The following PRSS57 variants were observed in gnomAD, a reference collection of about 807,000 sequenced individuals.
The protein encoded by PRSS57 is serine protease 57, also known as neutrophil serine protease 4.
Under a neutral mutation model 20.6 loss-of-function variants are expected in PRSS57, and 19 were observed. That is an observed-to-expected ratio of 0.92 (90% CI 0.64 to 1.35). PRSS57 has a LOEUF of 1.35. PRSS57 is among the 40% of genes most tolerant of loss of function. The pLI, the probability that PRSS57 is intolerant of heterozygous loss-of-function variation, is 0.00. For synonymous variants in PRSS57, 203 were observed against 176.6 expected (o/e 1.15, Z -1.19); for missense variants, 440 against 403.7 (o/e 1.09, Z -0.77).
Position 689,147 on chromosome 19 carries a change from G to A in PRSS57, c.379-1959C>T, listed in dbSNP as rs1170457038. 6.1e-5 allele frequency among the ~76,000 whole-genome samples: 8 copies of A among 130,658 alleles called. 1 individual carries two copies. The highest frequency in any genetic ancestry group is 4.7e-4 in the South Asian group (2 of 4,288). The allele number at this position is 130,658 out of a possible 152,430, so 85.7% of individuals were successfully genotyped here. A position where few individuals can be genotyped will look rare whatever the true frequency, so the allele number is the denominator to read the frequency against. ...CCAGGGGTTAGCAGGTGACGACGGT[G>A]CTAGAAGGGTGGTCCAGGGGTTAGC... On this transcript the variant is annotated intron_variant, in intron 3 of 4. Coordinates refer to ENST00000329267, the MANE Select transcript of PRSS57 (RefSeq NM_001308209.2).
chr19:689,400 C>G (rs952860672), intron 3 of PRSS57, among the ~76,000 whole-genome samples: 1 of 152,004 alleles, frequency 6.6e-6, no homozygotes, highest in African/African-American at 2.4e-5. Flanking sequence ...CTCGCGGTGT[C>G]TGGGGAACTG....
intron 3 of PRSS57, among the ~76,000 whole-genome samples, chr19:687,470 A>G (rs113369113): frequency 6.6e-6 from 1 of 152,032 alleles, no homozygotes; most frequent in Non-Finnish European, 1.5e-5. Context: ...CAGTGGCACA[A>G]TCTTGGCTCA....
intron 2 of PRSS57, 44 bp downstream of exon 2, chr19:694,770 G>A (rs561680418): frequency 2.0e-5 from 32 of 1,563,338 alleles, no homozygotes; most frequent in East Asian, 2.4e-5. Flanking sequence ...CCCTCATGTC[G>A]GGATACGGTG....
chr19:693,764 G>A (rs546339649), intron 2 of PRSS57, among the ~76,000 whole-genome samples: 2 of 151,654 alleles, frequency 1.3e-5, no homozygotes, highest in Admixed American at 1.3e-4. Context: ...TTTTGAGACA[G>A]AGTCTCGCTC....
chr19:692,426 T>G (rs1260654345), intron 2 of PRSS57, among the ~76,000 whole-genome samples: 1 of 118,436 alleles, frequency 8.4e-6, no homozygotes, highest in Non-Finnish European at 1.9e-5. Context: ...TTTCCTTTTT[T>G]CTTTTTTTTT....
At chr19:693,523 T>C (rs2031708943) in intron 2 of PRSS57, among the ~76,000 whole-genome samples, 1 of 152,074 alleles carries the variant, frequency 6.6e-6, no homozygotes, top group South Asian at 2.1e-4. Context: ...TAATATTAGG[T>C]TGGTGCAAAA....
chr19:694,796 C>A lies in PRSS57; in HGVS notation c.233+18G>T. 6.3e-7 allele frequency: 1 copy of A among 1,598,750 alleles called. No homozygotes were observed. ...GGATACGGTGTCCAGAAAGAAGGGG[C>A]CCGACAGGTGAGCTCACCTGTGGCT... On this transcript the variant is annotated intron_variant, in intron 2 of 4. Coordinates refer to ENST00000329267, the MANE Select transcript of PRSS57 (RefSeq NM_001308209.2).
intron 2 of PRSS57, among the ~76,000 whole-genome samples, chr19:694,234 C>G (rs566331859): frequency 8.6e-4 from 131 of 152,114 alleles, no homozygotes; most frequent in Non-Finnish European, 7.5e-4. Flanking sequence ...ACCCACCCAC[C>G]CTGGCCCCAA....
intron 2 of PRSS57, among the ~76,000 whole-genome samples, chr19:694,201 G>A (rs567984274): frequency 6.6e-6 from 1 of 152,206 alleles, no homozygotes; most frequent in South Asian, 2.1e-4. Flanking sequence ...TCCCGTGCCT[G>A]GTGGGGGCTC....
intron 1 of PRSS57, 52 bp from the exon 2 acceptor site, chr19:695,019 G>A (rs1057116722): frequency 1.4e-6 from 2 of 1,468,160 alleles, no homozygotes; most frequent in African/African-American, 1.4e-5. Context: ...ACGGATGACG[G>A]GGCTGGGGTC....
rs766696683 is a variant in PRSS57, at chr19:685,679, G to A, written c.*37C>T. On this transcript the variant is annotated 3_prime_UTR_variant, in exon 5 of 5. Transcript: ENST00000329267. The stretch of plus-strand genomic sequence containing the variant: ...CCAGCCACGGAACATTCCAGGCCTG[G>A]AGCGGCCATCTCATTTGCATGCCGC... 6.8e-7 allele frequency: 1 copy of A among 1,481,222 alleles called. No homozygotes were observed. The highest frequency in any genetic ancestry group is 2.5e-5 in the East Asian group (1 of 39,954). 91.8% of individuals were successfully genotyped at this position (1,481,222 alleles called of 1,614,324 possible).
Position 687,059 on chromosome 19 carries a change from G to A in PRSS57, c.508C>T (p.Leu170=). 1 of 1,614,050 alleles carries A rather than the reference G, an allele frequency of 6.2e-7. No individual in the cohort carries two copies. The highest frequency in any genetic ancestry group is 8.5e-7 in the Non-Finnish European group (1 of 1,180,030). ...GWGFVSDFEE[L]PPGLMEAKVR... ...TTGGCCTCCATCAGTCCAGGCGGCA[G>A]CTCCTCAAAGTCAGACACGAAGCCC... Residue 170 remains leucine, a synonymous_variant, in exon 4 of 5, where the codon CTG becomes TTG. Transcript: ENST00000329267.
chr19:695,420 C>A lies in PRSS57; in HGVS notation c.11G>T (p.Gly4Val). 1 of 1,267,760 alleles carries A rather than the reference C, an allele frequency of 7.9e-7. No homozygotes were observed. Among genetic ancestry groups the A allele is most frequent in the African/African-American group, 1.5e-5 (1 of 65,858 alleles). The allele number at this position is 1,267,760 out of a possible 1,614,324, so 78.5% of individuals were successfully genotyped here. The change falls in exon 1 of 5, where the codon GGG (glycine) becomes GTG (valine). Residue 4 changes from glycine to valine, a missense_variant. Gly to Val is a moderately radical substitution (Grantham distance 109). Coordinates refer to ENST00000329267, the MANE Select transcript of PRSS57 (RefSeq NM_001308209.2). Reference sequence around the variant, plus strand: ...CAGAGGACGTCCCCAGCCCCTCAACCCGAGCCCCATGGCAGACGCAGGCTG... The same window carrying A: ...CAGAGGACGTCCCCAGCCCCTCAACACGAGCCCCATGGCAGACGCAGGCTG... MGLGLRGWGRPLLT... is the reference protein window; with the variant it reads MGLVLRGWGRPLLT...
intron 3 of PRSS57, among the ~76,000 whole-genome samples, chr19:689,796 G>A (rs776025599): frequency 7.2e-5 from 11 of 152,168 alleles, no homozygotes; most frequent in African/African-American, 1.9e-4. Flanking sequence ...GTACACGCCC[G>A]TGATCCCGAC....
chr19:694,387 G>A (rs996753380), intron 2 of PRSS57, among the ~76,000 whole-genome samples: 8 of 151,902 alleles, frequency 5.3e-5, no homozygotes, highest in African/African-American at 1.9e-4. Context: ...GGCCAACATG[G>A]TGAAATCCAG....
intron 4 of PRSS57, 78 bp downstream of exon 4, chr19:686,847 C>A (rs2031486441): frequency 1.3e-6 from 2 of 1,513,452 alleles, no homozygotes; most frequent in Non-Finnish European, 1.8e-6. Context: ...GTTCCCAAGG[C>A]CCTTCCTGGC....
intron 1 of PRSS57, 112 bp from the exon 2 acceptor site, chr19:695,079 G>T (rs1432319981): frequency 1.9e-6 from 2 of 1,043,094 alleles, no homozygotes; most frequent in African/African-American, 1.7e-5. Flanking sequence ...GGTGAGATTA[G>T]AGACGGAGAG....
At chr19:694,681 C>T (rs915710854) in intron 2 of PRSS57, 133 bp downstream of exon 2, 3 of 1,055,198 alleles carry the variant, frequency 2.8e-6, no homozygotes, top group South Asian at 1.7e-5. Context: ...CTTTGTTGCC[C>T]TTTAAATCCA....
chr19:686,310 G>A (rs917936416), intron 4 of PRSS57, among the ~76,000 whole-genome samples: 1 of 151,948 alleles, frequency 6.6e-6, no homozygotes, highest in African/African-American at 2.4e-5. Flanking sequence ...TCAAGTCTCA[G>A]CTCAAAGGTG....
Sources: gnomAD v4.1 joint callset for allele counts (sites outside exome capture counted in the v4.1 genomes callset) on GRCh38, gnomAD v4.1.1 for gene constraint, MANE v1.5 for transcripts, NCBI Gene and HGNC (gene_info 2026-07-23, HGNC 2026-07-21) for gene names.